Variants in ANGPT2 observed in about 807,000 individuals in gnomAD.
The protein encoded by ANGPT2 is angiopoietin-2.
A neutral mutation model predicts 62.9 loss-of-function variants in ANGPT2; 28 were observed. That is an observed-to-expected ratio of 0.44 (90% CI 0.33 to 0.61). The LOEUF (loss-of-function observed/expected upper bound fraction) is 0.61, where lower values mean the gene tolerates loss of function less well. Ranked by LOEUF, ANGPT2 falls within the 20% of genes least tolerant of loss-of-function variation. The probability of loss-of-function intolerance (pLI) is 0.03; values close to 1 mark genes in which losing one functional copy is unlikely to be tolerated. For synonymous variants in ANGPT2, 284 were observed against 207.8 expected (o/e 1.37, Z -3.15); for missense variants, 727 against 594.9 (o/e 1.22, Z -2.31).
At chr8:6,505,261 T>C (rs374763293) in intron 8 of ANGPT2, among the ~76,000 whole-genome samples, 4,676 of 116,250 alleles carry the variant, frequency 0.04, 951 homozygotes, top group African/African-American at 0.11. Flanking sequence ...TTATATATGT[T>C]TTATATATAT....
At chr8:6,516,085 A>T (rs1816215110) in intron 5 of ANGPT2, among the ~76,000 whole-genome samples, 1 of 152,196 alleles carries the variant, frequency 6.6e-6, no homozygotes, top group Non-Finnish European at 1.5e-5. Context: ...TGCCTTCCCC[A>T]GTGGCACTCA....
At chr8:6,516,675 T>A (rs745369430) in intron 5 of ANGPT2, among the ~76,000 whole-genome samples, 2 of 152,252 alleles carry the variant, frequency 1.3e-5, no homozygotes, top group Non-Finnish European at 2.9e-5. Context: ...AGGATTCATG[T>A]ACATATATTG....
At chr8:6,561,079 A>G (rs146833138) in intron 1 of ANGPT2, among the ~76,000 whole-genome samples, 11 of 152,344 alleles carry the variant, frequency 7.2e-5, no homozygotes, top group South Asian at 2.1e-4. Context: ...CAAGTTAAGC[A>G]GATATTTAGG....
chr8:6,509,086 A>C, intron 7 of ANGPT2, 24 bp from the exon 8 acceptor site: 1 of 1,610,444 alleles, frequency 6.2e-7, no homozygotes, highest in Non-Finnish European at 8.5e-7. Context: ...AAGAAAAAAA[A>C]CACATTGGCT....
chr8:6,515,829 A>G (rs972252366), intron 5 of ANGPT2, among the ~76,000 whole-genome samples: 2 of 152,200 alleles, frequency 1.3e-5, no homozygotes, highest in Non-Finnish European at 2.9e-5. Flanking sequence ...GTAAGCTTCA[A>G]CGCACACTGT....
intron 8 of ANGPT2, chr8:6,508,468 G>A (rs534133849): frequency 1.1e-5 from 2 of 182,668 alleles, no homozygotes; most frequent in Non-Finnish European, 2.2e-5. Flanking sequence ...ACTGGAGACT[G>A]TGTCTGTAAA....
intron 3 of ANGPT2, among the ~76,000 whole-genome samples, chr8:6,522,390 A>G (rs571834710): frequency 9.2e-5 from 14 of 151,812 alleles, no homozygotes; most frequent in Admixed American, 7.2e-4. Flanking sequence ...CGCTTAGACT[A>G]GCGCCTGTCA....
intron 1 of ANGPT2, among the ~76,000 whole-genome samples, chr8:6,551,398 A>G (rs1200812590): frequency 2.0e-5 from 3 of 152,254 alleles, no homozygotes; most frequent in African/African-American, 4.8e-5. Flanking sequence ...TAAACAAATT[A>G]TATGTATTAA....
At chr8:6,513,591 C>T (rs1463319337) in intron 7 of ANGPT2, 87 bp downstream of exon 7, 5 of 1,137,658 alleles carry the variant, frequency 4.4e-6, no homozygotes, top group Non-Finnish European at 6.1e-6. Flanking sequence ...CCTCGGCCTC[C>T]CAAAGTGCTG....
chr8:6,537,300 T>C (rs2442598), intron 1 of ANGPT2, among the ~76,000 whole-genome samples: 107,647 of 151,888 alleles, frequency 0.71, 38,387 homozygotes, highest in Admixed American at 0.78. Context: ...AGTGTGTGTT[T>C]ATTTTGTCCT....
At chr8:6,533,391 G>A (rs1819899536) in intron 1 of ANGPT2, among the ~76,000 whole-genome samples, 1 of 152,184 alleles carries the variant, frequency 6.6e-6, no homozygotes, top group African/African-American at 2.4e-5. Context: ...AGCCAGGGAA[G>A]CCTGCCCTCT....
intron 1 of ANGPT2, among the ~76,000 whole-genome samples, chr8:6,537,806 T>A (rs1480126077): frequency 1.3e-5 from 2 of 152,086 alleles, no homozygotes; most frequent in Non-Finnish European, 2.9e-5. Flanking sequence ...AAAACATAGA[T>A]AATATATGAA....
intron 8 of ANGPT2, among the ~76,000 whole-genome samples, chr8:6,505,238 G>GT (rs1563305052): frequency 0.016 from 78 of 4,972 alleles, 13 homozygotes; most frequent in African/African-American, 0.035. Context: ...TGTATATATA[G>GT]AATATATATT....
intron 2 of ANGPT2, among the ~76,000 whole-genome samples, chr8:6,530,508 CAAAAAAAA>C (rs55729820): frequency 6.1e-5 from 6 of 98,050 alleles, no homozygotes; most frequent in Non-Finnish European, 1.0e-4. Flanking sequence ...GACTCTGTCT[CAAAAAAAA>C]AAAAAAAAAA....
At chr8:6,537,252 G>A (rs895204955) in intron 1 of ANGPT2, among the ~76,000 whole-genome samples, 13 of 152,102 alleles carry the variant, frequency 8.5e-5, no homozygotes, top group Admixed American at 6.6e-4. Flanking sequence ...GTAGGCACAC[G>A]TGTCTGAATA....
intron 8 of ANGPT2, among the ~76,000 whole-genome samples, chr8:6,504,539 G>A (rs1017434615): frequency 1.4e-4 from 22 of 151,974 alleles, no homozygotes; most frequent in Admixed American, 9.8e-4. Flanking sequence ...TTCAAGTAAC[G>A]CTTATTTGAC....
intron 8 of ANGPT2, among the ~76,000 whole-genome samples, chr8:6,504,030 A>G (rs889244160): frequency 2.0e-5 from 3 of 152,194 alleles, no homozygotes; most frequent in African/African-American, 4.8e-5. Context: ...AATATTCTAT[A>G]AGCAGGGGCC....
chr8:6,524,619 G>C lies in ANGPT2; in HGVS notation c.566+2936C>G, dbSNP rs527699155. Reference sequence around the variant, plus strand: ...CCTACCATGTACGAGGTGTTTTTTAGGGTTTTGGAGAAAAATCAAGAAATG... The same window carrying C: ...CCTACCATGTACGAGGTGTTTTTTACGGTTTTGGAGAAAAATCAAGAAATG... On this transcript the variant is annotated intron_variant, in intron 3 of 8. Coordinates refer to ENST00000629816, the MANE Select transcript of ANGPT2 (RefSeq NM_001118887.2). Among the ~76,000 whole-genome samples, 30 of 152,242 alleles carry C rather than the reference G, an allele frequency of 2.0e-4. No homozygotes were observed. In the South Asian group the frequency reaches 6.0e-3, roughly 30 times the overall value.
intron 7 of ANGPT2, among the ~76,000 whole-genome samples, chr8:6,512,057 C>G (rs567764160): frequency 6.6e-6 from 1 of 151,984 alleles, no homozygotes. Flanking sequence ...CTGTGAGGCC[C>G]AAACACCTAT....
Sources: allele counts gnomAD v4.1 joint callset (sites outside exome capture counted in the v4.1 genomes callset), GRCh38; gene constraint gnomAD v4.1.1; transcripts MANE v1.5; gene names NCBI Gene and HGNC (gene_info 2026-07-23, HGNC 2026-07-21).